Variants in RIN2 observed in about 807,000 individuals in gnomAD.
RIN2 encodes Ras and Rab interactor 2.
Under a neutral mutation model 78.0 loss-of-function variants are expected in RIN2, and 36 were observed. The observed-to-expected ratio is 0.46, with a 90% CI of 0.35 to 0.61. The LOEUF (loss-of-function observed/expected upper bound fraction) is 0.61. Among genes scored for constraint, RIN2 ranks in the 20% least tolerant of loss-of-function variants. The pLI, the probability that RIN2 is intolerant of heterozygous loss-of-function variation, is 0.00. For synonymous variants in RIN2, 466 were observed against 466.8 expected (o/e 1.00, Z 0.02); for missense variants, 1,087 against 1,159.7 (o/e 0.94, Z 0.91).
At chr20:19,821,137 T>A (rs2035913284) in intron 2 of RIN2, among the ~76,000 whole-genome samples, 2 of 152,172 alleles carry the variant, frequency 1.3e-5, no homozygotes, top group South Asian at 4.1e-4. Flanking sequence ...TCTCCACCCC[T>A]GACTGTGTGT....
chr20:19,904,395 G>A (rs1199529611), intron 3 of RIN2, among the ~76,000 whole-genome samples: 1 of 151,986 alleles, frequency 6.6e-6, no homozygotes. Context: ...CCTGGGCACC[G>A]GGTATGCGGT....
At chr20:19,953,921 GCA>G (rs2041428040) in intron 4 of RIN2, among the ~76,000 whole-genome samples, 1 of 152,176 alleles carries the variant, frequency 6.6e-6, no homozygotes, top group Non-Finnish European at 1.5e-5. Flanking sequence ...ATTCTTTTTG[GCA>G]CAGAGTCTCC....
At chr20:19,992,389 A>T (rs1423038212) in intron 11 of RIN2, 90 bp downstream of exon 11, 2 of 1,263,052 alleles carry the variant, frequency 1.6e-6, no homozygotes, top group Admixed American at 4.9e-5. Context: ...CATAACATTA[A>T]TCATTTTACA....
intron 3 of RIN2, among the ~76,000 whole-genome samples, chr20:19,921,244 G>A (rs549435928): frequency 6.6e-6 from 1 of 152,284 alleles, no homozygotes; most frequent in South Asian, 2.1e-4. Context: ...ACTTCCCCCA[G>A]AATCAGAAGA....
intron 2 of RIN2, among the ~76,000 whole-genome samples, chr20:19,856,416 C>T (rs779479111): frequency 6.6e-6 from 1 of 151,802 alleles, no homozygotes; most frequent in Admixed American, 6.6e-5. Flanking sequence ...GCCTGTAGTC[C>T]CAGCTACTCC....
At chr20:19,901,231 G>T (rs1358151372) in intron 3 of RIN2, among the ~76,000 whole-genome samples, 2 of 152,196 alleles carry the variant, frequency 1.3e-5, no homozygotes, top group Non-Finnish European at 2.9e-5. Context: ...GTCAGATACA[G>T]TATTTTGATG....
chr20:19,801,063 A>G (rs1430571993), intron 2 of RIN2, among the ~76,000 whole-genome samples: 1 of 152,204 alleles, frequency 6.6e-6, no homozygotes, highest in African/African-American at 2.4e-5. Context: ...AGTAAGAGCA[A>G]TAAGAGAGAA....
intron 3 of RIN2, among the ~76,000 whole-genome samples, chr20:19,932,719 A>C (rs2040487333): frequency 6.6e-6 from 1 of 152,172 alleles, no homozygotes; most frequent in South Asian, 2.1e-4. Context: ...TCCCTGCCAC[A>C]GTGCTTTAGA....
chr20:19,870,239 G>T (rs1320295976), intron 2 of RIN2, among the ~76,000 whole-genome samples: 3 of 152,162 alleles, frequency 2.0e-5, no homozygotes, highest in African/African-American at 7.2e-5. Context: ...GATGCCAATT[G>T]TTATCATTTT....
intron 1 of RIN2, among the ~76,000 whole-genome samples, chr20:19,764,917 C>CGTTTT (rs2033804484): frequency 8.8e-6 from 1 of 114,154 alleles, no homozygotes; most frequent in South Asian, 2.9e-4. Flanking sequence ...TCACTTTCTG[C>CGTTTT]GTTTTTTTTT....
intron 11 of RIN2, among the ~76,000 whole-genome samples, chr20:19,994,661 C>T (rs984429121): frequency 3.4e-4 from 51 of 152,116 alleles, no homozygotes; most frequent in African/African-American, 1.2e-3. Context: ...TAACAGTTCT[C>T]CGAGTCCTTG....
chr20:19,889,129 A>C, intron 2 of RIN2: 1 of 985,420 alleles, frequency 1.0e-6, no homozygotes, highest in Non-Finnish European at 1.2e-6. Flanking sequence ...AGCAGAGCTA[A>C]GGATGACCTC....
At chr20:19,855,459 C>A (rs1450230380) in intron 2 of RIN2, among the ~76,000 whole-genome samples, 1 of 152,110 alleles carries the variant, frequency 6.6e-6, no homozygotes, top group Admixed American at 6.5e-5. Flanking sequence ...AGGAATGGTG[C>A]CAGCTCCTCC....
At chr20:19,910,186 C>T (rs2039400163) in intron 3 of RIN2, among the ~76,000 whole-genome samples, 1 of 151,848 alleles carries the variant, frequency 6.6e-6, no homozygotes, top group Admixed American at 6.6e-5. Flanking sequence ...TACTTTCTCT[C>T]TTTTTTTTGA....
intron 12 of RIN2, 57 bp from the exon 13 acceptor site, chr20:20,000,556 A>G (rs1379596126): frequency 7.2e-7 from 1 of 1,387,748 alleles, no homozygotes. Flanking sequence ...GTCCCCCATC[A>G]TGCTCACTAT....
intron 1 of RIN2, among the ~76,000 whole-genome samples, chr20:19,798,516 T>A (rs1026010729): frequency 1.3e-5 from 2 of 151,948 alleles, no homozygotes; most frequent in Non-Finnish European, 2.9e-5. Flanking sequence ...AAGAATGAGA[T>A]AACCTTCTTA....
At chr20:19,828,426 T>C (rs752319125) in intron 2 of RIN2, among the ~76,000 whole-genome samples, 2 of 152,242 alleles carry the variant, frequency 1.3e-5, no homozygotes, top group Non-Finnish European at 2.9e-5. Flanking sequence ...TCAGAAATGG[T>C]TTTTATCACA....
At chr20:19,773,673 A>G (rs925975886) in intron 1 of RIN2, among the ~76,000 whole-genome samples, 3 of 152,014 alleles carry the variant, frequency 2.0e-5, no homozygotes, top group African/African-American at 4.8e-5. Flanking sequence ...TCTCCATGGT[A>G]CTGCTGAGTG....
chr20:19,947,231 T>C (rs1209235209), intron 4 of RIN2, among the ~76,000 whole-genome samples: 1 of 151,986 alleles, frequency 6.6e-6, no homozygotes, highest in Non-Finnish European at 1.5e-5. Flanking sequence ...CTAGGCATGG[T>C]GGCTTGTGCC....
Sources: allele counts gnomAD v4.1 joint callset (sites outside exome capture counted in the v4.1 genomes callset), GRCh38; gene constraint gnomAD v4.1.1; transcripts MANE v1.5; gene names NCBI Gene and HGNC (gene_info 2026-07-23, HGNC 2026-07-21).